The following HFM1 variants were observed in gnomAD, a reference collection of about 807,000 sequenced individuals.
The protein encoded by HFM1 is probable ATP-dependent DNA helicase HFM1.
HFM1 carries 169 observed loss-of-function variants against 192.1 expected under a neutral mutation model. That is an observed-to-expected ratio of 0.88 (90% CI 0.78 to 1.00). The LOEUF (loss-of-function observed/expected upper bound fraction) is 1.00, where lower values mean the gene tolerates loss of function less well. Among genes scored for constraint, HFM1 ranks in the 50% least tolerant of loss-of-function variants. HFM1 has a pLI of 0.00. For synonymous variants in HFM1, 525 were observed against 537.8 expected (o/e 0.98, Z 0.33); for missense variants, 1,661 against 1,668.0 (o/e 1.00, Z 0.07).
intron 8 of HFM1, among the ~76,000 whole-genome samples, chr1:91,379,868 T>C (rs1049926102): frequency 2.6e-5 from 4 of 152,188 alleles, no homozygotes; most frequent in African/African-American, 9.6e-5. Context: ...TTGTTCATTT[T>C]GCCTGTCCTT....
intron 30 of HFM1, among the ~76,000 whole-genome samples, chr1:91,308,106 C>T (rs1649907277): frequency 6.6e-6 from 1 of 152,116 alleles, no homozygotes; most frequent in Non-Finnish European, 1.5e-5. Flanking sequence ...TTGGGGTTTA[C>T]CAAAATTCTA....
intron 13 of HFM1, among the ~76,000 whole-genome samples, chr1:91,366,323 A>G (rs1437586483): frequency 6.6e-6 from 1 of 152,172 alleles, no homozygotes; most frequent in Non-Finnish European, 1.5e-5. Flanking sequence ...CTGCCATTGC[A>G]CAAAGAATTC....
chr1:91,347,480 C>A lies in HFM1; in HGVS notation c.2207-4G>T. On this transcript the variant is annotated splice_region_variant and splice_polypyrimidine_tract_variant and intron_variant, in intron 18 of 38. Transcript: ENST00000370425. ...TTGTTCAATCCAGATGCAAAACCTG[C>A]ATGTCATGAAAAAGTAAAATAGAAT... is the stretch of plus-strand genomic sequence containing the variant. The A allele has an allele frequency of 6.3e-7, 1 of 1,580,756 alleles. No homozygotes were observed. Among genetic ancestry groups the A allele is most frequent in the East Asian group, 2.3e-5 (1 of 43,684 alleles).
rs532002296 is a variant in HFM1 at position 91,300,077 on chromosome 1, C to G, written c.3391+13272G>C. On this transcript the variant is annotated intron_variant, in intron 30 of 38. Coordinates refer to ENST00000370425, the MANE Select transcript of HFM1 (RefSeq NM_001017975.6). ...AGAAAAGAGAGAAGAATCAAATAGA[C>G]ACAATAAAAAATGATAAAGGGGATA... 6.6e-5 allele frequency among the ~76,000 whole-genome samples: 10 copies of G among 151,778 alleles called. No individual in the cohort carries two copies. In the East Asian group the frequency reaches 1.7e-3, roughly 26 times the overall value.
chr1:91,367,785 C>T (rs1659576940), intron 13 of HFM1, among the ~76,000 whole-genome samples: 1 of 152,056 alleles, frequency 6.6e-6, no homozygotes, highest in Non-Finnish European at 1.5e-5. Context: ...AGGAAGGCTT[C>T]AGAAGATCAA....
chr1:91,361,028 T>C (rs189299038), intron 13 of HFM1, among the ~76,000 whole-genome samples: 1 of 152,296 alleles, frequency 6.6e-6, no homozygotes, highest in Non-Finnish European at 1.5e-5. Context: ...CCTGAATCTC[T>C]GGGACACAGT....
chr1:91,383,040 C>A (rs1328893142), intron 6 of HFM1, among the ~76,000 whole-genome samples: 1 of 152,138 alleles, frequency 6.6e-6, no homozygotes, highest in Non-Finnish European at 1.5e-5. Context: ...CAAATTATCA[C>A]AAATAGCATT....
intron 35 of HFM1, among the ~76,000 whole-genome samples, chr1:91,266,742 T>C (rs1665806638): frequency 1.3e-5 from 2 of 152,162 alleles, no homozygotes; most frequent in Non-Finnish European, 1.5e-5. Flanking sequence ...TCAGTACACA[T>C]TGCCTATTAA....
chr1:91,351,260 T>C (rs1656898350), intron 17 of HFM1, among the ~76,000 whole-genome samples: 1 of 151,908 alleles, frequency 6.6e-6, no homozygotes, highest in South Asian at 2.1e-4. Context: ...CATAATTTCA[T>C]ATATAAATTA....
chr1:91,337,676 A>G (rs1184575993), intron 20 of HFM1, among the ~76,000 whole-genome samples: 2 of 152,198 alleles, frequency 1.3e-5, no homozygotes, highest in African/African-American at 4.8e-5. Flanking sequence ...TGTGACCTGC[A>G]GATACTGGGA....
At chr1:91,282,057 C>A (rs1173539913) in intron 30 of HFM1, among the ~76,000 whole-genome samples, 1 of 152,186 alleles carries the variant, frequency 6.6e-6, no homozygotes, top group Non-Finnish European at 1.5e-5. Context: ...TTCATTCATC[C>A]TAACTAGCAT....
At chr1:91,394,719 TATGAAGATTTAAAATTTATATAA>T (rs1364916895) in intron 3 of HFM1, among the ~76,000 whole-genome samples, 1 of 152,120 alleles carries the variant, frequency 6.6e-6, no homozygotes, top group African/African-American at 2.4e-5. Flanking sequence ...ATTATACAAT[TATGAAGATTTAAAATTTATATAA>T]ATGATTTACA....
At chr1:91,322,792 A>G (rs980168889) in intron 23 of HFM1, among the ~76,000 whole-genome samples, 158 bp downstream of exon 23, 2 of 152,214 alleles carry the variant, frequency 1.3e-5, no homozygotes, top group African/African-American at 4.8e-5. Flanking sequence ...AAAAGCATTC[A>G]CAAATCATCA....
intron 20 of HFM1, among the ~76,000 whole-genome samples, chr1:91,338,511 A>G (rs906858608): frequency 8.5e-5 from 13 of 152,116 alleles, no homozygotes; most frequent in African/African-American, 3.1e-4. Context: ...ATAGCTCCTT[A>G]GCCAGCAGAT....
chr1:91,344,174 C>T (rs750364689), intron 19 of HFM1, among the ~76,000 whole-genome samples: 18 of 152,104 alleles, frequency 1.2e-4, no homozygotes, highest in Non-Finnish European at 2.1e-4. Context: ...TGATGGGGAT[C>T]AGAGCAATTG....
chr1:91,326,522 C>A (rs1382197922), intron 20 of HFM1, among the ~76,000 whole-genome samples: 2 of 152,060 alleles, frequency 1.3e-5, no homozygotes, highest in African/African-American at 4.8e-5. Flanking sequence ...CTGAAAATAT[C>A]CTTTAACAAT....
intron 11 of HFM1, 149 bp downstream of exon 11, chr1:91,377,876 T>A (rs1375224808): frequency 1.4e-6 from 1 of 724,686 alleles, no homozygotes; most frequent in Non-Finnish European, 2.3e-6. Flanking sequence ...TTAATACTGT[T>A]ATATTTATGA....
Position 91,385,770 on chromosome 1 carries a change from G to A in HFM1, c.559C>T (p.His187Tyr), listed in dbSNP as rs769127365. 10 of 1,607,796 alleles carry A rather than the reference G, an allele frequency of 6.2e-6. No individual in the cohort carries two copies. The highest frequency in any genetic ancestry group is 7.7e-6 in the Non-Finnish European group (9 of 1,174,436). Reference sequence around the variant, plus strand: ...TGTACAATTTTCACTGAGCCAATGTGAGAGTCCAATTCATTGTCATTAGAA... The same window carrying A: ...TGTACAATTTTCACTGAGCCAATGTAAGAGTCCAATTCATTGTCATTAGAA... ...AYSNDNELDS[H>Y]IGSVKIVQTE... The change falls in exon 5 of 39, where the codon CAC becomes TAC. Residue 187 changes from histidine to tyrosine, a missense_variant. Transcript: ENST00000370425.
intron 34 of HFM1, among the ~76,000 whole-genome samples, chr1:91,271,851 T>C (rs1173718218): frequency 6.6e-6 from 1 of 152,146 alleles, no homozygotes; most frequent in Non-Finnish European, 1.5e-5. Flanking sequence ...TCAAAAGATA[T>C]GGAATCTTTT....
Sources: allele counts gnomAD v4.1 joint callset (sites outside exome capture counted in the v4.1 genomes callset), GRCh38; gene constraint gnomAD v4.1.1; transcripts MANE v1.5; gene names NCBI Gene and HGNC (gene_info 2026-07-23, HGNC 2026-07-21).